Variants in ACOXL observed in about 807,000 individuals in gnomAD.
ACOXL encodes acyl-coenzyme A oxidase-like protein.
In ACOXL, 70 loss-of-function variants were observed where a neutral mutation model predicts 71.9. The ratio of observed to expected loss-of-function variants is 0.97; its 90% confidence interval spans 0.80 to 1.19. The LOEUF is 1.19. Ranked by LOEUF, ACOXL falls within the 50% of genes most tolerant of loss-of-function variation. The probability of loss-of-function intolerance (pLI) is 0.00; values close to 1 mark genes in which losing one functional copy is unlikely to be tolerated. For synonymous variants in ACOXL, 253 were observed against 281.6 expected (o/e 0.90, Z 1.02); for missense variants, 703 against 736.3 (o/e 0.95, Z 0.52).
At chr2:111,023,456 G>C (rs2064871671) in intron 14 of ACOXL, among the ~76,000 whole-genome samples, 1 of 152,118 alleles carries the variant, frequency 6.6e-6, no homozygotes, top group Non-Finnish European at 1.5e-5. Flanking sequence ...ATCAAAAAAT[G>C]GGATTTTTTG....
intron 9 of ACOXL, among the ~76,000 whole-genome samples, chr2:110,808,407 C>T (rs892543588): frequency 2.0e-5 from 3 of 152,168 alleles, no homozygotes; most frequent in Admixed American, 6.5e-5. Context: ...CCGGGTGACA[C>T]TGCTGCCATG....
At chr2:110,741,647 G>T (rs148439787) in intron 1 of ACOXL, among the ~76,000 whole-genome samples, 1 of 152,152 alleles carries the variant, frequency 6.6e-6, no homozygotes, top group East Asian at 1.9e-4. Flanking sequence ...AGAAGTGCTG[G>T]ATCCCCAAGC....
chr2:110,986,043 G>C (rs748181981), intron 12 of ACOXL, among the ~76,000 whole-genome samples: 12 of 152,062 alleles, frequency 7.9e-5, no homozygotes, highest in South Asian at 4.2e-4. Flanking sequence ...TGCTTATATT[G>C]CTATCAAGGT....
intron 10 of ACOXL, among the ~76,000 whole-genome samples, chr2:110,869,828 A>C (rs1444233467): frequency 6.6e-6 from 1 of 152,204 alleles, no homozygotes; most frequent in African/African-American, 2.4e-5. Context: ...CTCCAGAGGC[A>C]AGGCAGCTGG....
chr2:111,009,031 G>C (rs555167652), intron 14 of ACOXL, among the ~76,000 whole-genome samples: 3 of 152,184 alleles, frequency 2.0e-5, no homozygotes, highest in Admixed American at 2.0e-4. Flanking sequence ...CTCCCAGTTC[G>C]TCACTTGTCT....
intron 11 of ACOXL, among the ~76,000 whole-genome samples, chr2:110,922,907 G>A (rs2060131752): frequency 6.6e-6 from 1 of 152,154 alleles, no homozygotes; most frequent in Non-Finnish European, 1.5e-5. Flanking sequence ...CAGTCTAATT[G>A]CCCCCAAGGA....
chr2:111,017,631 C>G (rs375042259), intron 14 of ACOXL, among the ~76,000 whole-genome samples: 159 of 152,304 alleles, frequency 1.0e-3, no homozygotes, highest in African/African-American at 3.7e-3. Flanking sequence ...CCGTCAACGC[C>G]TTCACCTTCT....
At chr2:110,763,450 T>C (rs1324228995) in intron 1 of ACOXL, among the ~76,000 whole-genome samples, 1 of 152,202 alleles carries the variant, frequency 6.6e-6, no homozygotes, top group Non-Finnish European at 1.5e-5. Context: ...TAGCTTTTTC[T>C]ACCAATGATG....
chr2:110,828,769 G>A (rs1689466757), intron 9 of ACOXL, among the ~76,000 whole-genome samples: 3 of 152,156 alleles, frequency 2.0e-5, no homozygotes, highest in Middle Eastern at 3.4e-3. Context: ...AATTAAGGAT[G>A]CTTCTTTGGG....
chr2:111,023,257 G>C lies in ACOXL; in HGVS notation c.1282-8370G>C, dbSNP rs116957516. ...AGCGGGGAGATTTAGGAGTAAGCAC[G>C]GTCAAATCACTCTAAGGACATACAA... On this transcript the variant is annotated intron_variant, in intron 14 of 17. Coordinates refer to ENST00000439055, the MANE Select transcript of ACOXL (RefSeq NM_001142807.4). Among the ~76,000 whole-genome samples, 72 of 152,178 alleles carry C rather than the reference G, an allele frequency of 4.7e-4. 3 individuals are homozygous for C. The East Asian group carries it at 0.013, about 27-fold the overall frequency.
chr2:111,085,901 G>A (rs774460566), intron 16 of ACOXL, among the ~76,000 whole-genome samples: 15 of 152,140 alleles, frequency 9.9e-5, no homozygotes, highest in Non-Finnish European at 2.1e-4. Context: ...CGACTCCACA[G>A]AAATACAAAT....
At chr2:111,023,800 G>A (rs2064889169) in intron 14 of ACOXL, among the ~76,000 whole-genome samples, 1 of 152,138 alleles carries the variant, frequency 6.6e-6, no homozygotes, top group African/African-American at 2.4e-5. Flanking sequence ...AGCCACCACA[G>A]GGGCCTTAAA....
intron 16 of ACOXL, among the ~76,000 whole-genome samples, chr2:111,057,186 T>C (rs1267685423): frequency 6.6e-6 from 1 of 152,226 alleles, no homozygotes; most frequent in Non-Finnish European, 1.5e-5. Context: ...TAACCAACTG[T>C]GTGGGTTCCA....
intron 17 of ACOXL, chr2:111,100,992 A>G (rs2069116455): frequency 6.6e-6 from 1 of 152,662 alleles, no homozygotes; most frequent in African/African-American, 2.4e-5. Context: ...GAAGAAGAGC[A>G]TTCAAGCCTG....
intron 1 of ACOXL, among the ~76,000 whole-genome samples, chr2:110,745,421 T>TG (rs1678077840): frequency 6.6e-6 from 1 of 151,918 alleles, no homozygotes; most frequent in South Asian, 2.1e-4. Flanking sequence ...CACCAGAAGG[T>TG]GGGGGGTCAA....
chr2:110,862,106 C>G (rs758358404), intron 10 of ACOXL, among the ~76,000 whole-genome samples: 1 of 152,188 alleles, frequency 6.6e-6, no homozygotes, highest in Non-Finnish European at 1.5e-5. Context: ...GCCTTCGAAC[C>G]GAGAACCCTC....
At chr2:110,847,365 G>A (rs189806045) in intron 10 of ACOXL, among the ~76,000 whole-genome samples, 1 of 152,262 alleles carries the variant, frequency 6.6e-6, no homozygotes, top group African/African-American at 2.4e-5. Context: ...TGATACTGGA[G>A]AGAACACGTG....
chr2:111,099,219 G>A (rs995155708), intron 17 of ACOXL: 10 of 152,220 alleles, frequency 6.6e-5, no homozygotes, highest in African/African-American at 1.9e-4. Flanking sequence ...TTGTTCAACC[G>A]AGGCCCCACA....
chr2:110,975,184 G>A (rs892571191), intron 12 of ACOXL, among the ~76,000 whole-genome samples: 4 of 152,104 alleles, frequency 2.6e-5, no homozygotes, highest in African/African-American at 9.7e-5. Flanking sequence ...GACTCCCGAG[G>A]GTATTTTCCT....
Sources: gnomAD v4.1 joint callset for allele counts (sites outside exome capture counted in the v4.1 genomes callset) on GRCh38, gnomAD v4.1.1 for gene constraint, MANE v1.5 for transcripts, NCBI Gene and HGNC (gene_info 2026-07-23, HGNC 2026-07-21) for gene names.